Variants in DMXL2 observed in about 807,000 individuals in gnomAD.
The protein encoded by DMXL2 is dmX-like protein 2.
Under a neutral mutation model 331.1 loss-of-function variants are expected in DMXL2, and 103 were observed. The observed-to-expected ratio is 0.31, with a 90% CI of 0.27 to 0.37. The LOEUF is 0.37. Ranked by LOEUF, DMXL2 falls within the 10% of genes least tolerant of loss-of-function variation. The pLI is 1.00. For missense variants in DMXL2, 3,171 were observed against 3,642.9 expected, an observed-to-expected ratio of 0.87 and a Z score of 3.33; for synonymous variants, 1,281 against 1,252.1, an observed-to-expected ratio of 1.02 and a Z score of -0.49.
intron 17 of DMXL2, 133 bp from the exon 18 acceptor site, chr15:51,500,364 C>A: frequency 1.1e-6 from 1 of 920,038 alleles, no homozygotes; most frequent in Admixed American, 3.1e-5. Flanking sequence ...TGCAGTCTTC[C>A]TCTTAACTAG....
intron 23 of DMXL2, among the ~76,000 whole-genome samples, chr15:51,481,972 G>T (rs1008146085): frequency 9.9e-5 from 15 of 152,102 alleles, no homozygotes; most frequent in Non-Finnish European, 1.6e-4. Context: ...TTAAATGGAA[G>T]ACAAACACAA....
In DMXL2 at chr15:51,536,471, T is replaced by C; in HGVS notation, c.2009A>G (p.His670Arg). 6.2e-7 allele frequency: 1 copy of C among 1,614,018 alleles called. No individual in the cohort carries two copies. ...SVLPLLLTSS[H>R]HNALLTPELD... ...TTCAGGAGTCAATAGAGCATTATGA[T>C]GAGAGGATGTCAATAACAGTGGTAA... Residue 670 changes from histidine to arginine, a missense_variant, in exon 12 of 44, where the codon CAT (histidine) becomes CGT (arginine). Physicochemically the swap from His to Arg is conservative, Grantham distance 29. This residue lies in a region of DMXL2 where 1,674 missense variants were observed against 1,780.2 expected (regional missense o/e 0.94). Transcript: ENST00000560891.
At position 51,481,379 on chromosome 15, in the gene DMXL2, T is replaced by C; in HGVS notation, c.5727A>G (p.Pro1909=). ...ATAAGGCAGATGTTTTGGTTACTTT[T>C]GGAATTTTGGAGAGTACCTCCAAGG... ...VLALEVLSKI[P]KVTKTSALSA... Residue 1909 remains proline, a synonymous_variant, in exon 24 of 44, where the codon CCA becomes CCG. Coordinates refer to ENST00000560891, the MANE Select transcript of DMXL2 (RefSeq NM_001378457.1). 2 of 1,613,770 alleles carry C rather than the reference T, an allele frequency of 1.2e-6. No homozygotes were observed. Among genetic ancestry groups the C allele is most frequent in the Non-Finnish European group, 1.7e-6 (2 of 1,179,848 alleles).
chr15:51,456,427 T>C, intron 37 of DMXL2, 58 bp from the exon 38 acceptor site: 1 of 1,020,674 alleles, frequency 9.8e-7, no homozygotes, highest in South Asian at 1.6e-5. Flanking sequence ...TGAGGAAGGA[T>C]ATGCTTCAGG....
At chr15:51,553,758 A>G (rs1314265871) in intron 6 of DMXL2, among the ~76,000 whole-genome samples, 1 of 151,184 alleles carries the variant, frequency 6.6e-6, no homozygotes, top group Non-Finnish European at 1.5e-5. Flanking sequence ...TTAAAAGAGT[A>G]TAGCACATAT....
At chr15:51,588,395 G>C (rs2052022945) in intron 1 of DMXL2, among the ~76,000 whole-genome samples, 1 of 152,124 alleles carries the variant, frequency 6.6e-6, no homozygotes, top group Admixed American at 6.5e-5. Flanking sequence ...CTGGGCTCAA[G>C]TGATCTGGCC....
In DMXL2 at chr15:51,480,701, C is replaced by T. The variant is rs1182248949; in HGVS notation, c.6405G>A (p.Gln2135=). Residue 2135 remains glutamine, a synonymous_variant, in exon 24 of 44, where the codon CAG becomes CAA. Coordinates refer to ENST00000560891, the MANE Select transcript of DMXL2 (RefSeq NM_001378457.1). The part of the protein sequence containing the change: ...ERHQIERRRL[Q]AKREHAERRK... ...GTCTTTCTGCATGCTCTCGTTTGGC[C>T]TGCAATCTTCTTCTTTCTATTTGAT... The T allele has an allele frequency of 7.5e-6, 12 of 1,610,228 alleles. No individual in the cohort carries two copies. The highest frequency in any genetic ancestry group is 8.5e-6 in the Non-Finnish European group (10 of 1,177,844).
At chr15:51,453,435 G>GTT (rs373980718) in intron 41 of DMXL2, 115 bp downstream of exon 41, 774 of 582,862 alleles carry the variant, frequency 1.3e-3, no homozygotes, top group South Asian at 2.1e-3. Flanking sequence ...ATGTAACAAA[G>GTT]TTTTTTTTTT....
chr15:51,470,307 AT>A (rs892818745), intron 29 of DMXL2, among the ~76,000 whole-genome samples: 1 of 151,892 alleles, frequency 6.6e-6, no homozygotes, highest in Non-Finnish European at 1.5e-5. Flanking sequence ...ACGTTTTAAA[AT>A]TTTTTTGGCA....
In DMXL2 at chr15:51,536,371, C is replaced by A. The variant is rs141206641; in HGVS notation, c.2109G>T (p.Ser703=). 6.2e-7 allele frequency: 1 copy of A among 1,613,442 alleles called. No homozygotes were observed. The highest frequency in any genetic ancestry group is 8.5e-7 in the Non-Finnish European group (1 of 1,179,758). The part of the protein sequence containing the change: ...MDPVKHIKGS[S]KQPLRNAATR... ...TTGCTGCATTTCTAAGAGGTTGTTT[C>A]GAGGAACCTTTTATATGTTTTACAG... is the stretch of plus-strand genomic sequence containing the variant. Residue 703 remains serine, a synonymous_variant, in exon 12 of 44, where the codon TCG becomes TCT. Transcript: ENST00000560891.
chr15:51,487,831 A>C (rs775889122), intron 22 of DMXL2, 123 bp downstream of exon 22: 3 of 783,092 alleles, frequency 3.8e-6, no homozygotes, highest in Non-Finnish European at 5.6e-6. Context: ...TTTTAAGTAC[A>C]GCAACCTCTG....
In DMXL2 at chr15:51,499,324, G is replaced by T. The variant is rs763688063; in HGVS notation, c.3900C>A (p.Thr1300=). The change falls in exon 18 of 44, where the codon ACC becomes ACA. Residue 1300 remains threonine (T), a synonymous_variant. Transcript: ENST00000560891. ...AEEAAMQDHS[T]FKSNMLARKS... The stretch of plus-strand genomic sequence containing the variant: ...TTCTTGCCAGCATATTAGATTTAAA[G>T]GTCGAATGATCTTGCATTGCTGCCT... 65 of 1,613,930 alleles carry T rather than the reference G, an allele frequency of 4.0e-5. No individual in the cohort carries two copies. The highest frequency in any genetic ancestry group is 5.3e-5 in the Non-Finnish European group (62 of 1,180,010).
chr15:51,540,388 A>G lies in DMXL2; in HGVS notation c.1106-1936T>C, dbSNP rs116104630. Among the ~76,000 whole-genome samples, 1,447 of 152,320 alleles carry G rather than the reference A, an allele frequency of 9.5e-3. 17 individuals carry two copies. The highest frequency in any genetic ancestry group is 0.033 in the African/African-American group (1,378 of 41,566). Reference sequence around the variant, plus strand: ...AAATTCCCTTTTTACTAAAAGATACATTCTTAAATATTTAGGTAATGGAAA... The same window carrying G: ...AAATTCCCTTTTTACTAAAAGATACGTTCTTAAATATTTAGGTAATGGAAA... On this transcript the variant is annotated intron_variant, in intron 9 of 43. Coordinates refer to ENST00000560891, the MANE Select transcript of DMXL2 (RefSeq NM_001378457.1).
chr15:51,476,536 G>A (rs758090255), intron 27 of DMXL2, 53 bp downstream of exon 27: 54 of 1,580,072 alleles, frequency 3.4e-5, no homozygotes, highest in African/African-American at 6.9e-5. Context: ...TAGGCTTTTA[G>A]GAAGAAATTG....
intron 17 of DMXL2, 99 bp downstream of exon 17, chr15:51,502,707 T>C (rs1487335626): frequency 3.9e-6 from 3 of 769,702 alleles, no homozygotes; most frequent in Non-Finnish European, 4.4e-6. Context: ...AATGTCAACA[T>C]AGAACATATT....
chr15:51,557,232 T>C (rs2049656296), intron 6 of DMXL2, among the ~76,000 whole-genome samples: 1 of 152,212 alleles, frequency 6.6e-6, no homozygotes, highest in African/African-American at 2.4e-5. Flanking sequence ...ACTGCATTTC[T>C]ATATACCAGT....
intron 1 of DMXL2, among the ~76,000 whole-genome samples, chr15:51,597,112 C>G (rs895109264): frequency 2.0e-5 from 3 of 151,982 alleles, no homozygotes; most frequent in Non-Finnish European, 4.4e-5. Flanking sequence ...CCTACATAAT[C>G]CCTCATAAAA....
intron 1 of DMXL2, among the ~76,000 whole-genome samples, chr15:51,581,856 C>T (rs1392985932): frequency 2.0e-5 from 3 of 152,054 alleles, no homozygotes; most frequent in African/African-American, 7.2e-5. Flanking sequence ...TCATTGACAA[C>T]TACTGATAAG....
intron 24 of DMXL2, 72 bp from the exon 25 acceptor site, chr15:51,480,211 G>A (rs961961921): frequency 7.4e-7 from 1 of 1,353,678 alleles, no homozygotes; most frequent in Non-Finnish European, 1.0e-6. Context: ...CAGAAATACT[G>A]GTGATAAACA....
Sources: allele counts gnomAD v4.1 joint callset (sites outside exome capture counted in the v4.1 genomes callset), GRCh38; gene constraint gnomAD v4.1.1; regional missense constraint gnomAD v4.1.1; transcripts MANE v1.5; gene names NCBI Gene and HGNC (gene_info 2026-07-23, HGNC 2026-07-21).